Variants in PYM1 observed in about 807,000 individuals in gnomAD.
PYM1 encodes the protein partner of Y14 and mago.
A neutral mutation model predicts 20.7 loss-of-function variants in PYM1; 7 were observed. That is an observed-to-expected ratio of 0.34 (90% CI 0.19 to 0.64). The LOEUF is 0.64. Among genes scored for constraint, PYM1 ranks in the 30% least tolerant of loss-of-function variants. The probability of loss-of-function intolerance (pLI) is 0.74; values close to 1 mark genes in which losing one functional copy is unlikely to be tolerated. For missense variants in PYM1, 194 were observed against 250.0 expected (o/e 0.78, Z 1.51); for synonymous variants, 100 against 99.2 (o/e 1.01, Z -0.05).
chr12:55,911,905 T>C (rs1882930378), intron 1 of PYM1, among the ~76,000 whole-genome samples: 1 of 151,812 alleles, frequency 6.6e-6, no homozygotes, highest in African/African-American at 2.4e-5. Flanking sequence ...TGATGAGAAC[T>C]TATGGTTTGT....
At chr12:55,926,579 C>T (rs1883190898) in intron 1 of PYM1, among the ~76,000 whole-genome samples, 1 of 152,070 alleles carries the variant, frequency 6.6e-6, no homozygotes, top group African/African-American at 2.4e-5. Flanking sequence ...CCTCAGTGAC[C>T]CAACAAATGA....
At chr12:55,917,519 C>G (rs955047139) in intron 1 of PYM1, among the ~76,000 whole-genome samples, 1 of 152,096 alleles carries the variant, frequency 6.6e-6, no homozygotes, top group African/African-American at 2.4e-5. Flanking sequence ...CAGCTGAGGG[C>G]CATTATCCTA....
chr12:55,925,736 A>G (rs1883176743), intron 1 of PYM1, among the ~76,000 whole-genome samples: 1 of 152,232 alleles, frequency 6.6e-6, no homozygotes, highest in African/African-American at 2.4e-5. Context: ...TCTTCCACAT[A>G]GTCACGGAAA....
chr12:55,910,748 A>G (rs537770597), intron 1 of PYM1, among the ~76,000 whole-genome samples: 4 of 152,236 alleles, frequency 2.6e-5, no homozygotes, highest in African/African-American at 9.6e-5. Context: ...CTGGTTTTAT[A>G]TATTTTAGGG....
intron 1 of PYM1, among the ~76,000 whole-genome samples, chr12:55,903,811 A>G (rs1385045524): frequency 1.3e-5 from 2 of 152,184 alleles, no homozygotes; most frequent in African/African-American, 4.8e-5. Context: ...AAAAAGACAC[A>G]AAAACCACGG....
chr12:55,914,495 G>GT (rs1475556363), intron 1 of PYM1: 1 of 623,144 alleles, frequency 1.6e-6, no homozygotes, highest in Non-Finnish European at 2.9e-6. Flanking sequence ...CACATCTGCC[G>GT]TTTTTTAATT....
In PYM1 at chr12:55,927,792, G is replaced by T; in HGVS notation, c.-31C>A. On this transcript the variant is annotated 5_prime_UTR_variant, in exon 1 of 3. Coordinates refer to ENST00000408946, the MANE Select transcript of PYM1 (RefSeq NM_032345.3). ...AAGAGGCAGCGGACCAGGTTGGGCG[G>T]GCGGCCCTGGCCTGGCTCTGCCCCG... 1.3e-6 allele frequency: 2 copies of T among 1,536,370 alleles called. No homozygotes were observed. The highest frequency in any genetic ancestry group is 1.7e-6 in the Non-Finnish European group (2 of 1,145,512).
chr12:55,908,019 G>A (rs1399592331), intron 1 of PYM1, among the ~76,000 whole-genome samples: 3 of 150,622 alleles, frequency 2.0e-5, no homozygotes, highest in Admixed American at 6.6e-5. Flanking sequence ...TGAGGTGGGC[G>A]GATTACTTGA....
intron 1 of PYM1, among the ~76,000 whole-genome samples, chr12:55,907,463 CAAA>C (rs770960966): frequency 1.7e-4 from 9 of 51,978 alleles, no homozygotes; most frequent in South Asian, 1.1e-3. Flanking sequence ...TACATAAATA[CAAA>C]AAAAAAAAAA....
Position 55,901,828 on chromosome 12 carries a change from C to T in PYM1, c.*44G>A, listed in dbSNP as rs1443074137. The T allele has an allele frequency of 2.6e-6, 4 of 1,550,076 alleles. No individual in the cohort carries two copies. The highest frequency in any genetic ancestry group is 1.2e-5 in the South Asian group (1 of 80,400). On this transcript the variant is annotated 3_prime_UTR_variant, in exon 3 of 3. Transcript: ENST00000408946. ...CCGTATTCCCCCAGACCCCAGAGAG[C>T]CCCACGGTTTGTTCTGCAGTCCATT... is the stretch of plus-strand genomic sequence containing the variant.
At chr12:55,925,239 G>A (rs1328712545) in intron 1 of PYM1, among the ~76,000 whole-genome samples, 1 of 152,224 alleles carries the variant, frequency 6.6e-6, no homozygotes, top group Non-Finnish European at 1.5e-5. Context: ...TAGCTGGGCA[G>A]CACCAAAGGC....
chr12:55,921,209 T>C (rs1436894014), intron 1 of PYM1, among the ~76,000 whole-genome samples: 5 of 152,214 alleles, frequency 3.3e-5, no homozygotes, highest in Non-Finnish European at 5.9e-5. Context: ...TTCTAACCCA[T>C]ACAATGACCC....
intron 2 of PYM1, 102 bp from the exon 3 acceptor site, chr12:55,902,457 C>T: frequency 1.4e-6 from 2 of 1,459,330 alleles, no homozygotes; most frequent in East Asian, 2.3e-5. Context: ...TTCTTGCTTC[C>T]TTTTTTTGTT....
At chr12:55,907,365 G>A (rs1054444104) in intron 1 of PYM1, among the ~76,000 whole-genome samples, 2 of 150,142 alleles carry the variant, frequency 1.3e-5, no homozygotes, top group African/African-American at 2.5e-5. Context: ...TTGGGAGGCC[G>A]AGGCAGGTGG....
At chr12:55,906,962 C>T (rs1408717379) in intron 1 of PYM1, among the ~76,000 whole-genome samples, 1 of 151,752 alleles carries the variant, frequency 6.6e-6, no homozygotes, top group African/African-American at 2.4e-5. Flanking sequence ...TGGTACTATT[C>T]TTGTTGGAGT....
At chr12:55,907,097 CATAT>C (rs5798360) in intron 1 of PYM1, among the ~76,000 whole-genome samples, 113,134 of 148,992 alleles carry the variant, frequency 0.76, 42,900 homozygotes, top group Middle Eastern at 0.85. Flanking sequence ...AGAAAGTTAA[CATAT>C]ATATATATAT....
chr12:55,914,788 G>A (rs1325957881), intron 1 of PYM1, among the ~76,000 whole-genome samples: 2 of 152,122 alleles, frequency 1.3e-5, no homozygotes, highest in South Asian at 2.1e-4. Context: ...GAGAGCTGGA[G>A]GAATGACCCT....
rs1342734119 is a variant in PYM1, at chr12:55,927,103, T to C, written c.37+622A>G. ...CCGGTCTCGTCAGTAACATAGGGAG[T>C]CGCCATCTTGAAAACGCAAACCACT... is the stretch of plus-strand genomic sequence containing the variant. On this transcript the variant is annotated intron_variant, in intron 1 of 2. Coordinates refer to ENST00000408946, the MANE Select transcript of PYM1 (RefSeq NM_032345.3). 21 of 1,545,678 alleles carry C rather than the reference T, an allele frequency of 1.4e-5. 1 individual carries two copies. The highest frequency in any genetic ancestry group is 1.0e-4 in the Admixed American group (5 of 50,094).
At chr12:55,905,629 C>T (rs765017491) in intron 1 of PYM1, among the ~76,000 whole-genome samples, 1 of 148,220 alleles carries the variant, frequency 6.7e-6, no homozygotes, top group Non-Finnish European at 1.5e-5. Flanking sequence ...CTTGAACCCA[C>T]GAGGCGGAGG....
Sources: gnomAD v4.1 joint callset for allele counts (sites outside exome capture counted in the v4.1 genomes callset) on GRCh38, gnomAD v4.1.1 for gene constraint, MANE v1.5 for transcripts, NCBI Gene and HGNC (gene_info 2026-07-23, HGNC 2026-07-21) for gene names.